RANBP17: variants seen among roughly 807,000 people sequenced by gnomAD.
RANBP17 encodes RAN binding protein 17, also known as ran-binding protein 17.
Under a neutral mutation model 141.2 loss-of-function variants are expected in RANBP17, and 158 were observed. The observed-to-expected ratio is 1.12, with a 90% CI of 0.98 to 1.28. RANBP17 has a LOEUF of 1.28. Ranked by LOEUF, RANBP17 falls within the 50% of genes most tolerant of loss-of-function variation. RANBP17 has a pLI of 0.00. For synonymous variants in RANBP17, 430 were observed against 450.0 expected (o/e 0.96, Z 0.56); for missense variants, 1,438 against 1,290.7 (o/e 1.11, Z -1.75).
chr5:170,975,598 C>G (rs1292584125), intron 14 of RANBP17, among the ~76,000 whole-genome samples: 1 of 152,134 alleles, frequency 6.6e-6, no homozygotes, highest in Non-Finnish European at 1.5e-5. Context: ...TTTTACAAAA[C>G]AGTAGGACAC....
At position 170,918,758 on chromosome 5, in the gene RANBP17, G is replaced by A; in HGVS notation, c.1000G>A (p.Ala334Thr). 5 of 1,605,540 alleles carry A rather than the reference G, an allele frequency of 3.1e-6. No individual in the cohort carries two copies. Among genetic ancestry groups the A allele is most frequent in the Non-Finnish European group, 4.3e-6 (5 of 1,175,596 alleles). ...TTATCATGAATTTTGTCGATTTTTG[G>A]CTCGTTTAAAGACAAATTATCAGCT... Reference protein sequence around the residue: ...GNYHEFCRFLARLKTNYQLGE... With the variant: ...GNYHEFCRFLTRLKTNYQLGE... Residue 334 changes from alanine to threonine, a missense_variant, in exon 10 of 28, where the codon GCT becomes ACT. Transcript: ENST00000523189.
chr5:170,922,844 C>T (rs1772588267), intron 11 of RANBP17, among the ~76,000 whole-genome samples: 1 of 152,080 alleles, frequency 6.6e-6, no homozygotes, highest in African/African-American at 2.4e-5. Context: ...GAACCAGTCC[C>T]AATGAGATGA....
intron 14 of RANBP17, among the ~76,000 whole-genome samples, chr5:171,099,005 G>A (rs1297280446): frequency 6.6e-6 from 1 of 152,104 alleles, no homozygotes; most frequent in Non-Finnish European, 1.5e-5. Context: ...ATCCTGTTTT[G>A]GTTACAGTAG....
chr5:171,226,664 C>A (rs930373660), intron 22 of RANBP17, among the ~76,000 whole-genome samples: 3 of 152,078 alleles, frequency 2.0e-5, no homozygotes, highest in African/African-American at 7.2e-5. Context: ...AGCAGCCCTC[C>A]AGAAAAAGGG....
At chr5:170,884,068 C>T (rs1768949181) in intron 3 of RANBP17, among the ~76,000 whole-genome samples, 2 of 152,188 alleles carry the variant, frequency 1.3e-5, no homozygotes, top group African/African-American at 4.8e-5. Flanking sequence ...GCATTCCCAC[C>T]AGCCATGAGT....
chr5:171,148,194 T>C (rs910254348), intron 14 of RANBP17, among the ~76,000 whole-genome samples: 2 of 152,100 alleles, frequency 1.3e-5, no homozygotes, highest in Non-Finnish European at 2.9e-5. Context: ...GAAGGCAGCA[T>C]GCTCGTTAAG....
At chr5:171,005,641 C>A (rs1779544763) in intron 14 of RANBP17, among the ~76,000 whole-genome samples, 1 of 152,242 alleles carries the variant, frequency 6.6e-6, no homozygotes, top group South Asian at 2.1e-4. Flanking sequence ...CATAAAAACC[C>A]TAGAAGAAAA....
In RANBP17 at chr5:170,953,682, G is replaced by A. The variant is rs776461525; in HGVS notation, c.1554G>A (p.Met518Ile). The stretch of plus-strand genomic sequence containing the variant: ...CCAGTACAGATGAGCATGATGCTAT[G>A]GATGGAGAATTATCCTGTCGGTAAG... The part of the protein sequence containing the change: ...TYTSTDEHDA[M>I]DGELSCRVFQ... Residue 518 changes from methionine to isoleucine, a missense_variant, in exon 13 of 28, where the codon ATG (methionine) becomes ATA (isoleucine). Physicochemically the swap from Met to Ile is conservative, Grantham distance 10. Transcript: ENST00000523189. 2.4e-5 allele frequency: 38 copies of A among 1,604,600 alleles called. No homozygotes were observed. Among genetic ancestry groups the A allele is most frequent in the Non-Finnish European group, 3.1e-5 (36 of 1,172,068 alleles).
At position 171,293,923 on chromosome 5, in the gene RANBP17, G is replaced by C. The variant is rs748355552; in HGVS notation, c.2984G>C (p.Cys995Ser). 6.2e-7 allele frequency: 1 copy of C among 1,613,950 alleles called. No homozygotes were observed. Among genetic ancestry groups the C allele is most frequent in the Non-Finnish European group, 8.5e-7 (1 of 1,179,868 alleles). ...VLMNTIVFED[C>S]RNQWSVSRPL... ...ATGAACACCATTGTCTTTGAAGACTGTCGGAACCAGTGGTCAGTATCCAGG... is the reference window on the plus strand; with the variant it reads ...ATGAACACCATTGTCTTTGAAGACTCTCGGAACCAGTGGTCAGTATCCAGG... Residue 995 changes from cysteine (C) to serine (S), a missense_variant, in exon 26 of 28, where the codon TGT becomes TCT. Coordinates refer to ENST00000523189, the MANE Select transcript of RANBP17 (RefSeq NM_022897.5).
At chr5:171,084,337 A>G (rs1158632673) in intron 14 of RANBP17, among the ~76,000 whole-genome samples, 2 of 143,216 alleles carry the variant, frequency 1.4e-5, no homozygotes, top group African/African-American at 5.1e-5. Flanking sequence ...TATATGTGCC[A>G]CATTTTCTTA....
intron 22 of RANBP17, among the ~76,000 whole-genome samples, chr5:171,230,110 ACT>A (rs1764121097): frequency 6.6e-6 from 1 of 152,118 alleles, no homozygotes; most frequent in African/African-American, 2.4e-5. Context: ...CCCTTAAGGA[ACT>A]TAAGTCCAGC....
intron 12 of RANBP17, among the ~76,000 whole-genome samples, chr5:170,952,998 A>G (rs1248298345): frequency 6.6e-6 from 1 of 152,102 alleles, no homozygotes; most frequent in Non-Finnish European, 1.5e-5. Flanking sequence ...ATCCTCTACT[A>G]CTATCAGCTG....
At chr5:170,954,901 T>G (rs573677915) in intron 13 of RANBP17, among the ~76,000 whole-genome samples, 2 of 152,254 alleles carry the variant, frequency 1.3e-5, no homozygotes, top group African/African-American at 4.8e-5. Flanking sequence ...CCACAGCCTG[T>G]TAGGAACTGG....
At chr5:170,882,658 C>G (rs560730147) in intron 3 of RANBP17, among the ~76,000 whole-genome samples, 2 of 152,244 alleles carry the variant, frequency 1.3e-5, no homozygotes, top group Admixed American at 6.5e-5. Flanking sequence ...CAGAATTCAG[C>G]TCTCTGGTGT....
At chr5:171,145,236 A>G (rs542481547) in intron 14 of RANBP17, among the ~76,000 whole-genome samples, 6 of 152,294 alleles carry the variant, frequency 3.9e-5, no homozygotes, top group African/African-American at 1.2e-4. Context: ...CAAAAGCCCC[A>G]AACAGTTGGT....
chr5:171,210,932 G>A (rs1762841753), intron 20 of RANBP17, among the ~76,000 whole-genome samples: 1 of 150,418 alleles, frequency 6.6e-6, no homozygotes, highest in South Asian at 2.1e-4. Flanking sequence ...TTGAACCCAG[G>A]AGGCAGAAGT....
At chr5:170,914,118 G>T in intron 7 of RANBP17, 49 bp from the exon 8 acceptor site, 1 of 1,222,572 alleles carries the variant, frequency 8.2e-7, no homozygotes, top group South Asian at 1.2e-5. Context: ...ACTTTGTTAA[G>T]ATCACTGAAT....
rs780037633 is a variant in RANBP17, at chr5:171,274,158, G to GCGCA, written c.2943+8314_2943+8315insACGC. Among the ~76,000 whole-genome samples, 163 of 141,846 alleles carry GCGCA rather than the reference G, an allele frequency of 1.1e-3. 7 individuals carry two copies. The South Asian group carries it at 0.036, about 31-fold the overall frequency. 93.1% of individuals were successfully genotyped at this position (141,846 alleles called of 152,430 possible). On this transcript the variant is annotated intron_variant, in intron 25 of 27. Coordinates refer to ENST00000523189, the MANE Select transcript of RANBP17 (RefSeq NM_022897.5). Reference sequence around the variant, plus strand: ...TGTGTGTGTGTGTGTGTGCGCGCGCGCGCGCGTGCGCAAAATCTAACTACT... The same window carrying GCGCA: ...TGTGTGTGTGTGTGTGTGCGCGCGCGCGCACGCGCGTGCGCAAAATCTAACTACT...
chr5:171,055,768 C>A (rs1354846991), intron 14 of RANBP17, among the ~76,000 whole-genome samples: 2 of 150,644 alleles, frequency 1.3e-5, no homozygotes, highest in Non-Finnish European at 2.9e-5. Flanking sequence ...GCCAGTTTTC[C>A]CAAGGGGCTT....
Sources: gnomAD v4.1 joint callset for allele counts (sites outside exome capture counted in the v4.1 genomes callset) on GRCh38, gnomAD v4.1.1 for gene constraint, MANE v1.5 for transcripts, NCBI Gene and HGNC (gene_info 2026-07-23, HGNC 2026-07-21) for gene names.